Variants in CNTLN observed in about 807,000 individuals in gnomAD.
CNTLN encodes the protein centlein.
CNTLN carries 212 observed loss-of-function variants against 180.0 expected under a neutral mutation model. The observed-to-expected ratio is 1.18, with a 90% confidence interval of 1.05 to 1.32. The LOEUF is 1.32. Ranked by LOEUF, CNTLN falls within the 40% of genes most tolerant of loss-of-function variation. The probability of loss-of-function intolerance (pLI) is 0.00; values close to 1 mark genes in which losing one functional copy is unlikely to be tolerated. For synonymous variants in CNTLN, 722 were observed against 563.1 expected (o/e 1.28, Z -3.99); for missense variants, 2,095 against 1,610.9 (o/e 1.30, Z -5.14).
chr9:17,509,076 C>T, the CNTLN span, among the ~76,000 whole-genome samples: 12 of 152,218 alleles, frequency 7.9e-5, no homozygotes, highest in African/African-American at 2.9e-4. Context: ...TCCAACCACC[C>T]CTGTCTTTGC....
the CNTLN span, among the ~76,000 whole-genome samples, chr9:17,518,483 G>A: frequency 6.6e-6 from 1 of 152,050 alleles, no homozygotes; most frequent in African/African-American, 2.4e-5. Context: ...TTTACCTCCT[G>A]GCAGAGGGAA....
chr9:17,299,433 T>A (rs1048692871), intron 7 of CNTLN: 1 of 974,734 alleles, frequency 1.0e-6, no homozygotes, highest in African/African-American at 1.8e-5. Flanking sequence ...ATTACTGGAT[T>A]TTTACTTCTG....
chr9:17,513,466 C>G, the CNTLN span, among the ~76,000 whole-genome samples: 1 of 151,818 alleles, frequency 6.6e-6, no homozygotes, highest in Non-Finnish European at 1.5e-5. Flanking sequence ...GAGGCCCAGG[C>G]GGGCAGCTCA....
In CNTLN at chr9:17,418,891, T is replaced by A. The variant is rs931188605; in HGVS notation, c.3114+2702T>A. On this transcript the variant is annotated intron_variant, in intron 18 of 25. Transcript: ENST00000380647. Reference sequence around the variant, plus strand: ...ATGTAATTAAAGTACCATTGTTCGTTAAGAGGTTGATAAGAGGAACACAAA... The same window carrying A: ...ATGTAATTAAAGTACCATTGTTCGTAAAGAGGTTGATAAGAGGAACACAAA... Among the ~76,000 whole-genome samples, 4 of 152,090 alleles carry A rather than the reference T, an allele frequency of 2.6e-5. No individual in the cohort carries two copies. The East Asian group carries it at 5.8e-4, about 22-fold the overall frequency.
At chr9:17,493,023 T>G (rs537261400) in intron 25 of CNTLN, among the ~76,000 whole-genome samples, 13 of 152,210 alleles carry the variant, frequency 8.5e-5, no homozygotes, top group Admixed American at 4.6e-4. Context: ...TTGAGATTAG[T>G]TAAGTTCATA....
At chr9:17,287,164 A>G (rs1461357410) in intron 6 of CNTLN, among the ~76,000 whole-genome samples, 3 of 147,702 alleles carry the variant, frequency 2.0e-5, no homozygotes, top group East Asian at 2.0e-4. Context: ...AGCTCTTATT[A>G]TTTTGAAATA....
chr9:17,428,640 T>C (rs1829234242), intron 18 of CNTLN, among the ~76,000 whole-genome samples: 1 of 152,124 alleles, frequency 6.6e-6, no homozygotes, highest in Admixed American at 6.6e-5. Flanking sequence ...ATTATTCTCA[T>C]TGAAAAAATA....
chr9:17,372,175 A>G (rs939924499), intron 13 of CNTLN, among the ~76,000 whole-genome samples: 3 of 152,146 alleles, frequency 2.0e-5, no homozygotes, highest in African/African-American at 4.8e-5. Context: ...AAAACAAAAA[A>G]TTGGTTTATC....
At chr9:17,156,229 A>T (rs1280178945) in intron 2 of CNTLN, among the ~76,000 whole-genome samples, 1 of 152,188 alleles carries the variant, frequency 6.6e-6, no homozygotes, top group African/African-American at 2.4e-5. Flanking sequence ...TAACAAATAA[A>T]TTGTATTGAG....
At chr9:17,280,138 C>A (rs878864399) in intron 6 of CNTLN, among the ~76,000 whole-genome samples, 1 of 152,014 alleles carries the variant, frequency 6.6e-6, no homozygotes, top group African/African-American at 2.4e-5. Context: ...TTATAAGTAA[C>A]AAAAATGGAC....
intron 15 of CNTLN, among the ~76,000 whole-genome samples, chr9:17,405,045 A>G (rs762812401): frequency 6.6e-6 from 1 of 151,536 alleles, no homozygotes; most frequent in African/African-American, 2.4e-5. Context: ...GCCTAAAACA[A>G]TTATTTTGAG....
intron 18 of CNTLN, among the ~76,000 whole-genome samples, chr9:17,437,392 A>C (rs746797237): frequency 1.5e-4 from 23 of 152,356 alleles, no homozygotes; most frequent in South Asian, 1.4e-3. Context: ...TGACCTGAAT[A>C]GCATCAGTTA....
At chr9:17,432,989 G>GC (rs931450654) in intron 18 of CNTLN, among the ~76,000 whole-genome samples, 5 of 134,068 alleles carry the variant, frequency 3.7e-5, no homozygotes, top group African/African-American at 1.4e-4. Context: ...CCACTGCACT[G>GC]CAGCCTGGGT....
At chr9:17,362,512 T>C (rs1823479390) in intron 12 of CNTLN, among the ~76,000 whole-genome samples, 1 of 26,736 alleles carries the variant, frequency 3.7e-5, no homozygotes, top group Non-Finnish European at 9.7e-5. Context: ...TAAACATTAT[T>C]TTTTTTCCAG....
chr9:17,268,458 G>T (rs910579853), intron 5 of CNTLN, among the ~76,000 whole-genome samples: 1 of 152,166 alleles, frequency 6.6e-6, no homozygotes, highest in Non-Finnish European at 1.5e-5. Context: ...CTACTGGGGG[G>T]TGCCTCCCAG....
At chr9:17,306,268 G>T (rs1225088032) in intron 7 of CNTLN, among the ~76,000 whole-genome samples, 1 of 150,662 alleles carries the variant, frequency 6.6e-6, no homozygotes, top group African/African-American at 2.4e-5. Context: ...TCCTGCCTCA[G>T]CCTCCCGAGT....
At chr9:17,360,228 A>G (rs901982456) in intron 12 of CNTLN, among the ~76,000 whole-genome samples, 3 of 152,204 alleles carry the variant, frequency 2.0e-5, no homozygotes, top group African/African-American at 7.2e-5. Flanking sequence ...ATGTTATTCA[A>G]TGAAACTTGT....
At chr9:17,527,642 A>G in the CNTLN span, among the ~76,000 whole-genome samples, 259 of 152,278 alleles carry the variant, frequency 1.7e-3, no homozygotes, top group Non-Finnish European at 2.7e-3. Context: ...CAATATCAGC[A>G]TGAACTCAGC....
chr9:17,472,256 A>C (rs568356791), intron 23 of CNTLN, among the ~76,000 whole-genome samples: 1 of 152,240 alleles, frequency 6.6e-6, no homozygotes, highest in South Asian at 2.1e-4. Flanking sequence ...TGTATTATTC[A>C]TACCTACTTA....
Sources: gnomAD v4.1 joint callset for allele counts (sites outside exome capture counted in the v4.1 genomes callset) on GRCh38, gnomAD v4.1.1 for gene constraint, MANE v1.5 for transcripts, NCBI Gene and HGNC (gene_info 2026-07-23, HGNC 2026-07-21) for gene names.